Variants in NHSL2 observed in about 807,000 individuals in gnomAD.
The protein encoded by NHSL2 is NHS like 2, also known as NHS-like protein 2.
In NHSL2, 27 loss-of-function variants were observed where a neutral mutation model predicts 53.4. That is an observed-to-expected ratio of 0.51 (90% CI 0.37 to 0.70). The LOEUF (loss-of-function observed/expected upper bound fraction) is 0.70. NHSL2 is among the 30% of genes least tolerant of loss of function. NHSL2 has a pLI of 0.00. For missense variants in NHSL2, 892 were observed against 980.1 expected (o/e 0.91, Z 1.20); for synonymous variants, 408 against 404.1 (o/e 1.01, Z -0.12).
intron 1 of NHSL2, among the ~76,000 whole-genome samples, chrX:72,073,166 C>T (rs1168721252): frequency 8.9e-6 from 1 of 111,911 alleles, no homozygotes; most frequent in East Asian, 2.8e-4. Flanking sequence ...CAGAAGTAAG[C>T]CCCACAGGTT....
At chrX:71,956,934 A>C (rs1399061347) in intron 1 of NHSL2, among the ~76,000 whole-genome samples, 6 of 111,474 alleles carry the variant, frequency 5.4e-5, no homozygotes, top group Non-Finnish European at 9.4e-5. Context: ...TCACCTCCTC[A>C]GATCTCTGGT....
intron 1 of NHSL2, among the ~76,000 whole-genome samples, chrX:72,057,002 T>C (rs2042373610): frequency 8.9e-6 from 1 of 112,409 alleles, no homozygotes. Flanking sequence ...TCTGTGAACT[T>C]CAGACACCAG....
rs1299174824 is a variant in NHSL2 at position 72,145,795 on chromosome X, C to T, written c.*2221C>T. On this transcript the variant is annotated 3_prime_UTR_variant, in exon 8 of 8. Transcript: ENST00000633930. ...TTTTCTGGAAGTTTCTTGTTTACTA[C>T]TTCTAATGGGTTTTGCCTCTCCCCT... 8.9e-6 allele frequency: 1 copy of T among 112,341 alleles called. No individual in the cohort carries two copies. The highest frequency in any genetic ancestry group is 3.2e-5 in the African/African-American group (1 of 30,881). 9.3% of individuals were successfully genotyped at this position (112,341 alleles called of 1,213,427 possible).
intron 1 of NHSL2, among the ~76,000 whole-genome samples, chrX:71,949,493 T>G (rs1217519768): frequency 8.9e-6 from 1 of 111,745 alleles, no homozygotes; most frequent in Non-Finnish European, 1.9e-5. Context: ...ACCTCTGAGC[T>G]TCCCTGTGGA....
At chrX:72,057,336 T>G (rs2042375207) in intron 1 of NHSL2, among the ~76,000 whole-genome samples, 1 of 112,179 alleles carries the variant, frequency 8.9e-6, no homozygotes, top group Non-Finnish European at 1.9e-5. Flanking sequence ...CTGTTGGAAA[T>G]GTCTTTGAAA....
At chrX:72,009,592 T>C (rs1000502023) in intron 1 of NHSL2, among the ~76,000 whole-genome samples, 13 of 112,890 alleles carry the variant, frequency 1.2e-4, no homozygotes, top group Non-Finnish European at 2.4e-4. Flanking sequence ...TCTCAGTTTG[T>C]TACCTTCTCT....
rs1338795981 is a variant in NHSL2, at chrX:72,131,974, C to T, written c.281-105C>T. 5 of 804,037 alleles carry T rather than the reference C, an allele frequency of 6.2e-6. No individual in the cohort carries two copies. In the African/African-American group the frequency reaches 1.0e-4, roughly 17 times the overall value. The allele number at this position is 804,037 out of a possible 1,213,427, so 66.3% of individuals were successfully genotyped here. On this transcript the variant is annotated intron_variant, in intron 1 of 7. Transcript: ENST00000633930. ...TAAGCGCAGCCTCGCACTCCCCCCA[C>T]CCCACGCAGGGGCGGGCCTTGGGGA... is the stretch of plus-strand genomic sequence containing the variant.
intron 1 of NHSL2, among the ~76,000 whole-genome samples, chrX:72,081,705 G>T (rs2041793984): frequency 8.9e-6 from 1 of 112,317 alleles, no homozygotes; most frequent in Non-Finnish European, 1.9e-5. Flanking sequence ...TGAAAGTCCG[G>T]ATTTATTTCT....
intron 1 of NHSL2, among the ~76,000 whole-genome samples, chrX:72,115,122 G>A (rs2042125695): frequency 9.0e-6 from 1 of 111,412 alleles, no homozygotes; most frequent in Non-Finnish European, 1.9e-5. Context: ...CTCAAAGCCA[G>A]GTCTGTCCAA....
intron 1 of NHSL2, among the ~76,000 whole-genome samples, chrX:71,911,596 C>T (rs2041603030): frequency 8.9e-6 from 1 of 112,354 alleles, no homozygotes; most frequent in African/African-American, 3.2e-5. Flanking sequence ...CCGGAGTGGC[C>T]CCGTGCCCTT....
At chrX:71,937,184 C>T (rs1259165845) in intron 1 of NHSL2, among the ~76,000 whole-genome samples, 2 of 111,703 alleles carry the variant, frequency 1.8e-5, no homozygotes. Flanking sequence ...TACCTTTCTT[C>T]GGCAGCAGCA....
intron 1 of NHSL2, among the ~76,000 whole-genome samples, chrX:71,988,682 TG>T (rs1223324077): frequency 9.0e-6 from 1 of 111,296 alleles, no homozygotes; most frequent in East Asian, 2.8e-4. Flanking sequence ...CTATTTCCTT[TG>T]GGTTGGGGGT....
chrX:72,067,055 A>T (rs990721270), intron 1 of NHSL2, among the ~76,000 whole-genome samples: 1 of 111,291 alleles, frequency 9.0e-6, no homozygotes, highest in Non-Finnish European at 1.9e-5. Flanking sequence ...AGTTGGGAGG[A>T]TCACTTGAGC....
At chrX:72,013,785 GTTTT>G in intron 1 of NHSL2, among the ~76,000 whole-genome samples, 1 of 110,072 alleles carries the variant, frequency 9.1e-6, no homozygotes, top group Non-Finnish European at 1.9e-5. Flanking sequence ...ATTTCTCAGA[GTTTT>G]TTTTAACTTA....
intron 1 of NHSL2, among the ~76,000 whole-genome samples, chrX:72,100,336 G>A (rs972361665): frequency 8.9e-6 from 1 of 112,453 alleles, no homozygotes; most frequent in African/African-American, 3.2e-5. Flanking sequence ...CATACAGCAC[G>A]TGACTGTGCT....
Position 71,996,918 on chromosome X carries a change from C to T in NHSL2, c.280+85551C>T, listed in dbSNP as rs749455655. On this transcript the variant is annotated intron_variant, in intron 1 of 7. Coordinates refer to ENST00000633930, the MANE Select transcript of NHSL2 (RefSeq NM_001013627.3). ...CCCTGAGGGCTGAGCAGGAGGGAGG[C>T]GCCTTCCCGTCTTGCCCTGCCAGGA... Among the ~76,000 whole-genome samples, 8 of 112,513 alleles carry T rather than the reference C, an allele frequency of 7.1e-5. No individual in the cohort carries two copies. In the South Asian group the frequency reaches 1.8e-3, roughly 26 times the overall value.
chrX:72,065,505 T>C (rs752036839), intron 1 of NHSL2, among the ~76,000 whole-genome samples: 55 of 111,645 alleles, frequency 4.9e-4, no homozygotes, highest in Non-Finnish European at 9.0e-4. Context: ...AAGAGGGCTT[T>C]CAAGGGGTGA....
At chrX:71,978,982 G>A (rs1280899673) in intron 1 of NHSL2, among the ~76,000 whole-genome samples, 2 of 95,742 alleles carry the variant, frequency 2.1e-5, no homozygotes, top group African/African-American at 4.0e-5. Context: ...TCATTGTTCA[G>A]TTCCCACCTA....
In NHSL2 at chrX:71,911,063, C is replaced by T. The variant is rs1332921781; in HGVS notation, c.-25C>T. ...AGCCCGCCGCGCCGCCAGACTGGTC[C>T]CCTGCGCCCGCGCCCGCGGCCGGGA... On this transcript the variant is annotated 5_prime_UTR_variant, in exon 1 of 8. Coordinates refer to ENST00000633930, the MANE Select transcript of NHSL2 (RefSeq NM_001013627.3). The T allele has an allele frequency of 2.0e-6, 2 of 989,804 alleles. No homozygotes were observed. Among genetic ancestry groups the T allele is most frequent in the African/African-American group, 2.0e-5 (1 of 49,860 alleles). 81.6% of individuals were successfully genotyped at this position (989,804 alleles called of 1,213,427 possible).
Sources: gnomAD v4.1 joint callset for allele counts (sites outside exome capture counted in the v4.1 genomes callset) on GRCh38, gnomAD v4.1.1 for gene constraint, MANE v1.5 for transcripts, NCBI Gene and HGNC (gene_info 2026-07-23, HGNC 2026-07-21) for gene names.